Variants in DNAAF4 observed in about 807,000 individuals in gnomAD.
DNAAF4 encodes dynein axonemal assembly factor 4.
DNAAF4 carries 43 observed loss-of-function variants against 51.8 expected under a neutral mutation model. That is an observed-to-expected ratio of 0.83 (90% CI 0.65 to 1.07). The LOEUF is 1.07. Ranked by LOEUF, DNAAF4 falls within the 50% of genes least tolerant of loss-of-function variation. DNAAF4 has a pLI of 0.00. For synonymous variants in DNAAF4, 194 were observed against 165.6 expected, an observed-to-expected ratio of 1.17 and a Z score of -1.32; for missense variants, 581 against 493.0, an observed-to-expected ratio of 1.18 and a Z score of -1.69.
Position 55,498,296 on chromosome 15 carries a change from G to T in DNAAF4, c.34C>A (p.Gln12Lys). The T allele has an allele frequency of 6.2e-7, 1 of 1,612,930 alleles. No homozygotes were observed. Among genetic ancestry groups the T allele is most frequent in the South Asian group, 1.1e-5 (1 of 90,898 alleles). ...GACAGAAAGACCGCAGTCTTCGTCT[G>T]CTGCCAGCTGTAATCGCTAACCTGA... ...PLQVSDYSWQQTKTAVFLSLP... is the reference protein window; with the variant it reads ...PLQVSDYSWQKTKTAVFLSLP... Residue 12 changes from glutamine (Q) to lysine (K), a missense_variant, in exon 2 of 10, where the codon CAG (glutamine) becomes AAG (lysine). Physicochemically the swap from Gln to Lys is moderately conservative, Grantham distance 53. Coordinates refer to ENST00000321149, the MANE Select transcript of DNAAF4 (RefSeq NM_130810.4).
chr15:55,456,821 A>G (rs1372095451), intron 5 of DNAAF4, among the ~76,000 whole-genome samples: 2 of 152,186 alleles, frequency 1.3e-5, no homozygotes, highest in Non-Finnish European at 2.9e-5. Flanking sequence ...TGAGCAAAAT[A>G]TGAAAGTAGA....
rs1382255165 is a variant in DNAAF4 at position 55,442,748 on chromosome 15, C to T, written c.784-3167G>A. ...GAAACAAAAAATTTCTTTCCTTCAA[C>T]TTTATCAAGTTGGCTATTTATCCTA... On this transcript the variant is annotated intron_variant, in intron 6 of 9. Coordinates refer to ENST00000321149, the MANE Select transcript of DNAAF4 (RefSeq NM_130810.4). 32 of 1,587,042 alleles carry T rather than the reference C, an allele frequency of 2.0e-5. 1 individual carries two copies. The South Asian group carries it at 2.8e-4, about 14-fold the overall frequency.
chr15:55,507,685 C>T (rs972959368), intron 1 of DNAAF4, among the ~76,000 whole-genome samples: 4 of 152,008 alleles, frequency 2.6e-5, no homozygotes, highest in Non-Finnish European at 5.9e-5. Context: ...CATAGTCACA[C>T]TGTATGAATT....
At chr15:55,472,201 C>T (rs2058265314) in intron 4 of DNAAF4, among the ~76,000 whole-genome samples, 1 of 152,008 alleles carries the variant, frequency 6.6e-6, no homozygotes, top group Admixed American at 6.6e-5. Flanking sequence ...ACACAGACAC[C>T]GACAAATATT....
At chr15:55,448,957 A>G (rs1780621529) in intron 6 of DNAAF4, among the ~76,000 whole-genome samples, 1 of 151,532 alleles carries the variant, frequency 6.6e-6, no homozygotes, top group African/African-American at 2.4e-5. Flanking sequence ...TAATAATATG[A>G]AATAATTATT....
In DNAAF4 at chr15:55,432,564, A is replaced by C. The variant is rs765101617; in HGVS notation, c.1086T>G (p.Ala362=). 10 of 1,612,536 alleles carry C rather than the reference A, an allele frequency of 6.2e-6. No homozygotes were observed. The highest frequency in any genetic ancestry group is 2.2e-5 in the South Asian group (2 of 90,866). The change falls in exon 9 of 10, where the codon GCT becomes GCG. Residue 362 remains alanine (A), a synonymous_variant. Transcript: ENST00000321149. The part of the protein sequence containing the change: ...ELLMPPVTDN[A]NARMKAHVRR... ...GTACATGTGCCTTCATTCTTGCATT[A>C]GCATTGTCTGTAACAGGTGGCATCA... is the stretch of plus-strand genomic sequence containing the variant.
At chr15:55,456,010 G>A (rs544354731) in intron 5 of DNAAF4, among the ~76,000 whole-genome samples, 1 of 151,784 alleles carries the variant, frequency 6.6e-6, no homozygotes, top group Non-Finnish European at 1.5e-5. Context: ...TATTATATAT[G>A]TGATTTTACA....
At chr15:55,487,967 G>T (rs1213824937) in intron 4 of DNAAF4, among the ~76,000 whole-genome samples, 1 of 152,090 alleles carries the variant, frequency 6.6e-6, no homozygotes, top group Non-Finnish European at 1.5e-5. Context: ...ATATGACACA[G>T]CAGGGGCTTT....
chr15:55,444,670 A>G (rs1444529910), intron 6 of DNAAF4, among the ~76,000 whole-genome samples: 1 of 152,116 alleles, frequency 6.6e-6, no homozygotes, highest in Non-Finnish European at 1.5e-5. Flanking sequence ...GATTCTTTCT[A>G]TCCATGAGCT....
intron 1 of DNAAF4, among the ~76,000 whole-genome samples, chr15:55,507,415 A>G (rs1048372683): frequency 3.9e-5 from 6 of 152,228 alleles, no homozygotes; most frequent in South Asian, 4.1e-4. Context: ...ATAAGGTGTA[A>G]TAAAGTGTCT....
chr15:55,499,034 G>T (rs913741087), intron 1 of DNAAF4, among the ~76,000 whole-genome samples: 4 of 152,174 alleles, frequency 2.6e-5, no homozygotes, highest in African/African-American at 7.2e-5. Context: ...TGAGGAGCAG[G>T]TGCAATGCCC....
At chr15:55,425,855 G>A (rs746565530), downstream of DNAAF4, among the ~76,000 whole-genome samples, 7 of 152,146 alleles carry the variant, frequency 4.6e-5, no homozygotes, top group Non-Finnish European at 8.8e-5. Flanking sequence ...TGAACCTCTT[G>A]CGCTAGTGTA....
intron 7 of DNAAF4, among the ~76,000 whole-genome samples, chr15:55,422,879 C>T (rs528248702): frequency 2.0e-5 from 3 of 152,152 alleles, no homozygotes; most frequent in Admixed American, 1.3e-4. Context: ...AGCCTGTAAT[C>T]CCAGCTACTC....
chr15:55,453,683 T>G (rs952357962), intron 5 of DNAAF4, among the ~76,000 whole-genome samples: 3 of 151,344 alleles, frequency 2.0e-5, no homozygotes, highest in Non-Finnish European at 4.4e-5. Flanking sequence ...CCTGAGTAGC[T>G]GGGACTACAG....
intron 3 of DNAAF4, among the ~76,000 whole-genome samples, chr15:55,491,665 T>C (rs2058573066): frequency 7.1e-6 from 1 of 140,316 alleles, no homozygotes; most frequent in Non-Finnish European, 1.5e-5. Flanking sequence ...ATATATTATA[T>C]ATTATAGATA....
At chr15:55,443,480 C>T (rs1272616816) in intron 6 of DNAAF4, 6 of 542,492 alleles carry the variant, frequency 1.1e-5, no homozygotes, top group Non-Finnish European at 2.0e-5. Context: ...CAAGTCTTTG[C>T]TATTGTGAAT....
chr15:55,493,977 T>G (rs906753339), intron 3 of DNAAF4, among the ~76,000 whole-genome samples: 9 of 151,918 alleles, frequency 5.9e-5, no homozygotes, highest in Non-Finnish European at 1.3e-4. Context: ...GTGCTGAGAT[T>G]ACTTTAGGCA....
intron 4 of DNAAF4, among the ~76,000 whole-genome samples, chr15:55,468,206 C>T (rs1256519860): frequency 6.6e-6 from 1 of 151,928 alleles, no homozygotes; most frequent in East Asian, 1.9e-4. Context: ...GATGAAGGTC[C>T]CTAAATGTTG....
chr15:55,506,456 T>C (rs2058727716), intron 1 of DNAAF4, among the ~76,000 whole-genome samples: 1 of 152,226 alleles, frequency 6.6e-6, no homozygotes, highest in Non-Finnish European at 1.5e-5. Context: ...TAGGCTGCTC[T>C]GTGCATTTTA....
Sources: gnomAD v4.1 joint callset for allele counts (sites outside exome capture counted in the v4.1 genomes callset) on GRCh38, gnomAD v4.1.1 for gene constraint, MANE v1.5 for transcripts, NCBI Gene and HGNC (gene_info 2026-07-23, HGNC 2026-07-21) for gene names.